Variants in ZFYVE16 observed in about 807,000 individuals in gnomAD.
ZFYVE16 encodes zinc finger FYVE domain-containing protein 16.
A neutral mutation model predicts 138.1 loss-of-function variants in ZFYVE16; 89 were observed. The observed-to-expected ratio is 0.64, with a 90% CI of 0.54 to 0.77. ZFYVE16 has a LOEUF of 0.77. Ranked by LOEUF, ZFYVE16 falls within the 30% of genes least tolerant of loss-of-function variation. The pLI is 0.00. For missense variants in ZFYVE16, 1,793 were observed against 1,786.7 expected (o/e 1.00, Z -0.06); for synonymous variants, 596 against 618.3 (o/e 0.96, Z 0.53).
chr5:80,459,288 TAGTTTA>T (rs1752856782), intron 14 of ZFYVE16, 120 bp from the exon 15 acceptor site: 2 of 617,336 alleles, frequency 3.2e-6, no homozygotes, highest in South Asian at 5.8e-5. Flanking sequence ...ATTAGTTTTC[TAGTTTA>T]AGTTGTGTGG....
chr5:80,428,557 C>A (rs1043783351), intron 2 of ZFYVE16, among the ~76,000 whole-genome samples: 4 of 152,162 alleles, frequency 2.6e-5, no homozygotes, highest in African/African-American at 7.2e-5. Flanking sequence ...GCTTCTCCTC[C>A]CCCAAAGGAA....
rs1193786379 is a variant in ZFYVE16 at position 80,459,440 on chromosome 5, A to G, written c.3970A>G (p.Asn1324Asp). 1 of 1,613,176 alleles carries G rather than the reference A, an allele frequency of 6.2e-7. No individual in the cohort carries two copies. Among genetic ancestry groups the G allele is most frequent in the African/African-American group, 1.3e-5 (1 of 74,904 alleles). ...KVTGASFVVF[N>D]GALKTSSGFL... is the part of the protein sequence containing the mutation. ...GACAGGTGCAAGTTTTGTGGTATTC[A>G]ATGGAGCTCTAAAAACATCTTCAGG... The change falls in exon 15 of 19, where the codon AAT becomes GAT. Residue 1324 changes from asparagine to aspartate, a missense_variant. Physicochemically the swap from Asn to Asp is conservative, Grantham distance 23 (BLOSUM62 1). Coordinates refer to ENST00000505560, the MANE Select transcript of ZFYVE16 (RefSeq NM_001284236.3).
intron 2 of ZFYVE16, among the ~76,000 whole-genome samples, chr5:80,430,884 A>C (rs1748903315): frequency 6.6e-6 from 1 of 152,208 alleles, no homozygotes; most frequent in South Asian, 2.1e-4. Context: ...CCAGGACTAA[A>C]CCAGGAAGAA....
At chr5:80,442,917 T>TA (rs1750880911) in intron 5 of ZFYVE16, 2 of 495,026 alleles carry the variant, frequency 4.0e-6, no homozygotes, top group African/African-American at 4.1e-5. Flanking sequence ...AACTTATTGG[T>TA]AGCTTATCAA....
intron 9 of ZFYVE16, 142 bp downstream of exon 9, chr5:80,449,855 T>A (rs1751796704): frequency 1.1e-6 from 1 of 941,832 alleles, no homozygotes; most frequent in East Asian, 3.0e-5. Context: ...TGACTGTAAA[T>A]AAATTTTGCA....
chr5:80,450,525 A>G lies in ZFYVE16; in HGVS notation c.3321A>G (p.Glu1107=). Residue 1107 remains glutamate (E), a synonymous_variant, in exon 10 of 19, where the codon GAA becomes GAG. Coordinates refer to ENST00000505560, the MANE Select transcript of ZFYVE16 (RefSeq NM_001284236.3). The part of the protein sequence containing the change: ...IIILLLCLPN[E]DTIPKDIFRL... ...TTCTATTGTTATGTTTGCCAAATGAAGATACTATTCCTAAGGACATCTTCA... is the reference window on the plus strand; with the variant it reads ...TTCTATTGTTATGTTTGCCAAATGAGGATACTATTCCTAAGGACATCTTCA... The G allele has an allele frequency of 6.2e-7, 1 of 1,613,638 alleles. No individual in the cohort carries two copies. Among genetic ancestry groups the G allele is most frequent in the Non-Finnish European group, 8.5e-7 (1 of 1,179,704 alleles).
At chr5:80,461,563 G>A (rs1753114460) in intron 15 of ZFYVE16, among the ~76,000 whole-genome samples, 1 of 152,224 alleles carries the variant, frequency 6.6e-6, no homozygotes, top group Non-Finnish European at 1.5e-5. Context: ...GAGGCTAGAA[G>A]TCCAAGATCA....
In ZFYVE16 at chr5:80,477,218, G is replaced by A. The variant is rs543333250; in HGVS notation, c.4462-1G>A. The A allele has an allele frequency of 1.2e-5, 19 of 1,581,388 alleles. No individual in the cohort carries two copies. The South Asian group carries it at 2.2e-4, about 19-fold the overall frequency. ...TTATCAAGAATTTTTTTTTTTTCTAGGTTGAATTTCAGGCAGGATCTGAAG... is the reference window on the plus strand; with the variant it reads ...TTATCAAGAATTTTTTTTTTTTCTAAGTTGAATTTCAGGCAGGATCTGAAG... On this transcript the variant is annotated splice_acceptor_variant, in intron 18 of 18. Transcript: ENST00000505560. LOFTEE classifies it high-confidence loss of function.
chr5:80,474,562 A>G (rs989816533), intron 17 of ZFYVE16, 101 bp from the exon 18 acceptor site: 24 of 1,188,100 alleles, frequency 2.0e-5, no homozygotes, highest in Admixed American at 4.7e-5. Context: ...AATGCTTTTC[A>G]TGGTACTTAC....
chr5:80,441,139 G>C (rs1044974290), intron 5 of ZFYVE16: 1 of 985,240 alleles, frequency 1.0e-6, no homozygotes, highest in African/African-American at 1.7e-5. Flanking sequence ...GTTAGCCAAG[G>C]CAATCTGCTA....
At chr5:80,451,976 G>A in intron 11 of ZFYVE16, 1 of 360,040 alleles carries the variant, frequency 2.8e-6, no homozygotes, top group South Asian at 4.2e-5. Flanking sequence ...AACTTTCACA[G>A]TGCAGGTTGA....
intron 7 of ZFYVE16, among the ~76,000 whole-genome samples, chr5:80,447,266 CAAAAAAAAAAAAAAAA>C (rs56836828): frequency 1.4e-5 from 1 of 69,288 alleles, no homozygotes; most frequent in Non-Finnish European, 2.9e-5. Context: ...GACTCCATCT[CAAAAAAAAAAAAAAAA>C]AAAAAAAAGA....
At chr5:80,469,082 T>A (rs1754024758) in intron 15 of ZFYVE16, among the ~76,000 whole-genome samples, 1 of 151,498 alleles carries the variant, frequency 6.6e-6, no homozygotes, top group Non-Finnish European at 1.5e-5. Flanking sequence ...TTCTTATTTC[T>A]TTTCTTTCTC....
intron 6 of ZFYVE16, among the ~76,000 whole-genome samples, chr5:80,443,532 GGCTAGA>G (rs1750956890): frequency 6.6e-6 from 1 of 152,166 alleles, no homozygotes; most frequent in African/African-American, 2.4e-5. Context: ...AAAGGGGAGA[GGCTAGA>G]GCTCAGTACA....
chr5:80,432,165 C>T (rs186840142), intron 2 of ZFYVE16, among the ~76,000 whole-genome samples: 43 of 152,250 alleles, frequency 2.8e-4, no homozygotes, highest in Non-Finnish European at 5.6e-4. Flanking sequence ...GGAGGCATCA[C>T]GCTACCTGAC....
In ZFYVE16 at chr5:80,443,037, G is replaced by A. The variant is rs1580243567; in HGVS notation, c.2420-86G>A. 6 of 1,303,678 alleles carry A rather than the reference G, an allele frequency of 4.6e-6. No individual in the cohort carries two copies. In the South Asian group the frequency reaches 7.0e-5, roughly 15 times the overall value. 80.8% of individuals were successfully genotyped at this position (1,303,678 alleles called of 1,614,324 possible). ...ATTTCTTTCTTTCTCCTTACAACTT[G>A]AAAAATAGAATATTTATTGTAATTT... On this transcript the variant is annotated intron_variant, in intron 5 of 18. Transcript: ENST00000505560.
rs747388320 is a variant in ZFYVE16 at position 80,438,079 on chromosome 5, C to T, written c.1394C>T (p.Ala465Val). ...GATCCTGACCAGACAGTAATCAGAGCTGAGTCTTTGGATGGTGGTGACACC... is the reference window on the plus strand; with the variant it reads ...GATCCTGACCAGACAGTAATCAGAGTTGAGTCTTTGGATGGTGGTGACACC... The part of the protein sequence containing the change: ...KIDPDQTVIR[A>V]ESLDGGDTSS... Residue 465 changes from alanine to valine, a missense_variant, in exon 4 of 19, where the codon GCT (alanine) becomes GTT (valine). Ala to Val is a moderately conservative substitution (Grantham distance 64, BLOSUM62 0). Transcript: ENST00000505560. 1 of 1,614,038 alleles carries T rather than the reference C, an allele frequency of 6.2e-7. No homozygotes were observed.
chr5:80,434,829 A>G (rs921445720), intron 3 of ZFYVE16, among the ~76,000 whole-genome samples: 4 of 151,984 alleles, frequency 2.6e-5, no homozygotes, highest in African/African-American at 7.3e-5. Context: ...ATGAATTGAT[A>G]TTTCATTACA....
chr5:80,416,692 A>G (rs1473192540), intron 1 of ZFYVE16, among the ~76,000 whole-genome samples: 1 of 151,518 alleles, frequency 6.6e-6, no homozygotes, highest in African/African-American at 2.4e-5. Context: ...ATGTGTGTAC[A>G]TCAACTTTTA....
Sources: allele counts gnomAD v4.1 joint callset (sites outside exome capture counted in the v4.1 genomes callset), GRCh38; gene constraint gnomAD v4.1.1; transcripts MANE v1.5; gene names NCBI Gene and HGNC (gene_info 2026-07-23, HGNC 2026-07-21).